EXTL3: variants seen among roughly 807,000 people sequenced by gnomAD.
EXTL3 encodes exostosin-like 3.
A neutral mutation model predicts 69.3 loss-of-function variants in EXTL3; 27 were observed. That is an observed-to-expected ratio of 0.39 (90% CI 0.29 to 0.54). EXTL3 has a LOEUF of 0.54. Among genes scored for constraint, EXTL3 ranks in the 20% least tolerant of loss-of-function variants. The probability of loss-of-function intolerance (pLI) is 0.69; values close to 1 mark genes in which losing one functional copy is unlikely to be tolerated. For synonymous variants in EXTL3, 511 were observed against 499.4 expected (o/e 1.02, Z -0.31); for missense variants, 1,003 against 1,231.8 (o/e 0.81, Z 2.78).
chr8:28,608,146 A>G (rs1209689651), intron 2 of EXTL3, among the ~76,000 whole-genome samples: 1 of 151,692 alleles, frequency 6.6e-6, no homozygotes, highest in African/African-American at 2.4e-5. Flanking sequence ...GAAATAGGCC[A>G]TTAAGCTGGT....
intron 3 of EXTL3, among the ~76,000 whole-genome samples, chr8:28,722,305 G>T (rs1801307239): frequency 2.6e-5 from 4 of 152,170 alleles, no homozygotes; most frequent in Non-Finnish European, 1.5e-5. Context: ...AGCAGAGGAG[G>T]CACATGATTT....
chr8:28,620,617 G>T (rs560095742), upstream of EXTL3, among the ~76,000 whole-genome samples: 10 of 152,202 alleles, frequency 6.6e-5, no homozygotes, highest in African/African-American at 2.4e-5. Context: ...TTAACATCTC[G>T]CAGTTAAACT....
chr8:28,727,331 T>A (rs1364681503), intron 3 of EXTL3, among the ~76,000 whole-genome samples: 1 of 152,162 alleles, frequency 6.6e-6, no homozygotes, highest in Non-Finnish European at 1.5e-5. Flanking sequence ...GTAGTTGTTC[T>A]CTTGTTGCTT....
intron 1 of EXTL3, among the ~76,000 whole-genome samples, chr8:28,629,481 G>C (rs561819701): frequency 3.3e-5 from 5 of 152,142 alleles, no homozygotes; most frequent in African/African-American, 1.2e-4. Flanking sequence ...CCAATTTCTA[G>C]TTTTTCTATC....
At position 28,750,584 on chromosome 8, in the gene EXTL3, G is replaced by A. The variant is rs938046273; in HGVS notation, c.2551-73G>A. ...TCTTCACCATGGACATGGGAGTGTG[G>A]GATCGGCTCAGCTGCAAGGGTTCTG... On this transcript the variant is annotated intron_variant, in intron 6 of 6. Transcript: ENST00000220562. The surrounding 1 kb of genome is among the most constrained non-coding windows in gnomAD (Gnocchi z 5.2). 4 of 1,222,328 alleles carry A rather than the reference G, an allele frequency of 3.3e-6. No individual in the cohort carries two copies. The African/African-American group carries it at 4.5e-5, about 14-fold the overall frequency. The allele number at this position is 1,222,328 out of a possible 1,614,324, so 75.7% of individuals were successfully genotyped here. A position where few individuals can be genotyped will look rare whatever the true frequency, so the allele number is the denominator to read the frequency against.
chr8:28,619,304 A>C (rs1022398627), upstream of EXTL3, among the ~76,000 whole-genome samples: 2 of 105,824 alleles, frequency 1.9e-5, no homozygotes, highest in East Asian at 2.6e-4. Context: ...AAAAAAAAAA[A>C]AAAAAAAAAA....
intron 1 of EXTL3, among the ~76,000 whole-genome samples, chr8:28,632,554 CTTTTTTT>C (rs1172375819): frequency 1.6e-5 from 2 of 126,620 alleles, no homozygotes; most frequent in Non-Finnish European, 3.3e-5. Context: ...CTCATTTATT[CTTTTTTT>C]TTTTTTTTTT....
intron 1 of EXTL3, among the ~76,000 whole-genome samples, chr8:28,637,586 C>T (rs1806676439): frequency 6.6e-6 from 1 of 151,922 alleles, no homozygotes; most frequent in Non-Finnish European, 1.5e-5. Context: ...TCACTTGAGC[C>T]CAGGAGTTTG....
chr8:28,640,734 A>T (rs1585226498), intron 1 of EXTL3, among the ~76,000 whole-genome samples: 3 of 152,040 alleles, frequency 2.0e-5, no homozygotes, highest in Admixed American at 2.0e-4. Flanking sequence ...TCCCAAGTAG[A>T]TGGGACCACA....
chr8:28,676,713 A>G (rs1807388709), intron 1 of EXTL3, among the ~76,000 whole-genome samples: 1 of 152,180 alleles, frequency 6.6e-6, no homozygotes, highest in Non-Finnish European at 1.5e-5. Context: ...CCCAGGACAG[A>G]GCCCTGGGGA....
intron 3 of EXTL3, among the ~76,000 whole-genome samples, chr8:28,729,595 C>CAAA (rs567929424): frequency 3.9e-4 from 13 of 33,234 alleles, no homozygotes; most frequent in East Asian, 1.4e-3. Context: ...GACTCCATCT[C>CAAA]AAAAAAAAAA....
At chr8:28,633,913 G>T (rs1305522051) in intron 1 of EXTL3, among the ~76,000 whole-genome samples, 1 of 152,182 alleles carries the variant, frequency 6.6e-6, no homozygotes, top group East Asian at 1.9e-4. Flanking sequence ...CTACAGAACA[G>T]AAACTCAGCC....
intron 1 of EXTL3, among the ~76,000 whole-genome samples, chr8:28,663,311 G>A (rs1011771321): frequency 1.3e-5 from 2 of 152,182 alleles, no homozygotes; most frequent in East Asian, 1.9e-4. Flanking sequence ...ACTGGGGAAA[G>A]TAAGACCCTG....
At chr8:28,651,357 A>G (rs772568270) in intron 1 of EXTL3, among the ~76,000 whole-genome samples, 4 of 152,068 alleles carry the variant, frequency 2.6e-5, no homozygotes, top group Non-Finnish European at 5.9e-5. Flanking sequence ...ACAGGGTCTA[A>G]CTTTGTCCCC....
intron 3 of EXTL3, among the ~76,000 whole-genome samples, chr8:28,722,215 C>G (rs903217956): frequency 6.6e-6 from 1 of 152,142 alleles, no homozygotes; most frequent in South Asian, 2.1e-4. Context: ...GTGGGACCAG[C>G]AGGTGCAGGA....
At chr8:28,654,325 T>C (rs1291578007) in intron 1 of EXTL3, among the ~76,000 whole-genome samples, 1 of 152,238 alleles carries the variant, frequency 6.6e-6, no homozygotes, top group Admixed American at 6.5e-5. Flanking sequence ...TTTGTTGATT[T>C]CATTGAGTTT....
At position 28,716,792 on chromosome 8, in the gene EXTL3, A is replaced by T; in HGVS notation, c.733A>T (p.Met245Leu). The change falls in exon 3 of 7, where the codon ATG becomes TTG. Residue 245 changes from methionine to leucine, a missense_variant. Coordinates refer to ENST00000220562, the MANE Select transcript of EXTL3 (RefSeq NM_001440.4). The surrounding 1 kb of genome is among the most constrained non-coding windows in gnomAD (Gnocchi z 7.1). ...ACLYVILVGE[M>L]QEPVVLRPAE... is the part of the protein sequence containing the mutation. ...CCTTTACGTGATACTAGTGGGAGAGATGCAGGAGCCGGTGGTGCTGCGGCC... is the reference window on the plus strand; with the variant it reads ...CCTTTACGTGATACTAGTGGGAGAGTTGCAGGAGCCGGTGGTGCTGCGGCC... The T allele has an allele frequency of 3.7e-6, 6 of 1,614,262 alleles. No individual in the cohort carries two copies. The highest frequency in any genetic ancestry group is 5.1e-6 in the Non-Finnish European group (6 of 1,180,046).
At chr8:28,648,925 A>C (rs978966325) in intron 1 of EXTL3, among the ~76,000 whole-genome samples, 1 of 151,340 alleles carries the variant, frequency 6.6e-6, no homozygotes, top group Non-Finnish European at 1.5e-5. Context: ...ACAGAGTCTT[A>C]CTCTGTCGCC....
chr8:28,728,192 C>A (rs543599159), intron 3 of EXTL3, among the ~76,000 whole-genome samples: 1 of 152,194 alleles, frequency 6.6e-6, no homozygotes, highest in Non-Finnish European at 1.5e-5. Flanking sequence ...TACATTTTGT[C>A]ATCTCTGAAA....
Sources: allele counts gnomAD v4.1 joint callset (sites outside exome capture counted in the v4.1 genomes callset), GRCh38; gene constraint gnomAD v4.1.1; non-coding constraint Gnocchi (gnomAD v3.1); transcripts MANE v1.5; gene names NCBI Gene and HGNC (gene_info 2026-07-23, HGNC 2026-07-21).